The following SPNS2 variants were observed in gnomAD, a reference collection of about 807,000 sequenced individuals.
SPNS2 encodes SPNS lysolipid transporter 2, sphingosine-1-phosphate.
In SPNS2, 37 loss-of-function variants were observed where a neutral mutation model predicts 57.6. The observed-to-expected ratio is 0.64, with a 90% CI of 0.49 to 0.85. The LOEUF (loss-of-function observed/expected upper bound fraction) is 0.85, where lower values mean the gene tolerates loss of function less well. Among genes scored for constraint, SPNS2 ranks in the 40% least tolerant of loss-of-function variants. SPNS2 has a pLI of 0.00. For missense variants in SPNS2, 831 were observed against 779.1 expected (o/e 1.07, Z -0.79); for synonymous variants, 440 against 346.9 (o/e 1.27, Z -2.98).
chr17:4,513,704 G>A (rs1291754912), intron 2 of SPNS2, among the ~76,000 whole-genome samples: 1 of 152,172 alleles, frequency 6.6e-6, no homozygotes, highest in African/African-American at 2.4e-5. Flanking sequence ...TGGTGACCCT[G>A]TTTTTATCTC....
In SPNS2 at chr17:4,538,990, CAA is replaced by C; in HGVS notation, c.*1544_*1545del. 1.2e-6 allele frequency: 1 copy of C among 805,394 alleles called. No individual in the cohort carries two copies. Among genetic ancestry groups the C allele is most frequent in the Non-Finnish European group, 2.3e-6 (1 of 440,494 alleles). The allele number at this position is 805,394 out of a possible 1,614,324, so 49.9% of individuals were successfully genotyped here. ...AATCTCAGAGTCTTAAGAGAGAAGC[CAA>C]ATATATTCCTCTTGTAAATGAAGAA... On this transcript the variant is annotated 3_prime_UTR_variant, in exon 13 of 13. Coordinates refer to ENST00000329078, the MANE Select transcript of SPNS2 (RefSeq NM_001124758.3).
chr17:4,505,874 C>G (rs1470380859), intron 1 of SPNS2, among the ~76,000 whole-genome samples: 2 of 152,174 alleles, frequency 1.3e-5, no homozygotes, highest in Non-Finnish European at 2.9e-5. Flanking sequence ...CTCCCCACTC[C>G]CACTCCTAGA....
intron 2 of SPNS2, among the ~76,000 whole-genome samples, chr17:4,514,676 G>A (rs574326581): frequency 5.3e-4 from 80 of 152,284 alleles, no homozygotes; most frequent in Non-Finnish European, 9.0e-4. Context: ...TGAGCCCAAC[G>A]CCTCCCCTAC....
At chr17:4,505,665 G>A (rs996611170) in intron 1 of SPNS2, among the ~76,000 whole-genome samples, 16 of 152,352 alleles carry the variant, frequency 1.1e-4, no homozygotes, top group Middle Eastern at 3.4e-3. Context: ...GAAGAGCACC[G>A]GTCTGCTCTG....
chr17:4,528,149 A>G (rs565838036), intron 3 of SPNS2, among the ~76,000 whole-genome samples: 136 of 151,048 alleles, frequency 9.0e-4, no homozygotes, highest in African/African-American at 3.2e-3. Flanking sequence ...CAGCCTCCCA[A>G]GTAGCTGGGA....
chr17:4,508,382 G>A (rs1174714609), intron 1 of SPNS2, among the ~76,000 whole-genome samples: 1 of 152,202 alleles, frequency 6.6e-6, no homozygotes, highest in Non-Finnish European at 1.5e-5. Context: ...GGGTGACTCT[G>A]CAGATTTGGG....
At chr17:4,526,166 A>C (rs1213126237) in intron 3 of SPNS2, among the ~76,000 whole-genome samples, 4 of 152,172 alleles carry the variant, frequency 2.6e-5, no homozygotes, top group Non-Finnish European at 5.9e-5. Flanking sequence ...AGTCTCTTGA[A>C]ATCCGTGGGG....
At chr17:4,503,982 C>CT (rs35585489) in intron 1 of SPNS2, among the ~76,000 whole-genome samples, 41,706 of 137,606 alleles carry the variant, frequency 0.3, 6,872 homozygotes, top group African/African-American at 0.36. Context: ...CTCCTATTGG[C>CT]TTTTTTTTTT....
At chr17:4,530,947 A>AGCTG in intron 4 of SPNS2, 106 bp from the exon 5 acceptor site, 1 of 1,488,054 alleles carries the variant, frequency 6.7e-7, no homozygotes, top group Non-Finnish European at 9.1e-7. Context: ...CTCCCTGGCC[A>AGCTG]GCTGGCTGGG....
rs1906057363 is a variant in SPNS2 at position 4,538,978 on chromosome 17, TAAGA to T, written c.*1531_*1534del. ...CTGCTGATTGTGAATCTCAGAGTCTTAAGAGAGAAGCCAAATATATTCCTCTTGT... is the reference window on the plus strand; with the variant it reads ...CTGCTGATTGTGAATCTCAGAGTCTTGAGAAGCCAAATATATTCCTCTTGT... On this transcript the variant is annotated 3_prime_UTR_variant, in exon 13 of 13. Coordinates refer to ENST00000329078, the MANE Select transcript of SPNS2 (RefSeq NM_001124758.3). 1 of 798,458 alleles carries T rather than the reference TAAGA, an allele frequency of 1.3e-6. No individual in the cohort carries two copies. The highest frequency in any genetic ancestry group is 2.3e-6 in the Non-Finnish European group (1 of 434,072). The allele number at this position is 798,458 out of a possible 1,614,324, so 49.5% of individuals were successfully genotyped here.
intron 5 of SPNS2, 64 bp downstream of exon 5, chr17:4,531,183 A>G: frequency 1.3e-6 from 2 of 1,532,346 alleles, no homozygotes; most frequent in Non-Finnish European, 1.8e-6. Context: ...AGGGTTGCCC[A>G]GAGATGTAAT....
Position 4,538,551 on chromosome 17 carries a change from A to G in SPNS2, c.*1103A>G. 3.0e-6 allele frequency: 1 copy of G among 338,490 alleles called. No homozygotes were observed. Among genetic ancestry groups the G allele is most frequent in the Non-Finnish European group, 5.5e-6 (1 of 181,644 alleles). 21.0% of individuals were successfully genotyped at this position (338,490 alleles called of 1,614,324 possible). ...AGCTGCCAACTTCACACCAGCCCCA[A>G]CCCGCTTTGGGGGAGCTTAGCCCCC... is the stretch of plus-strand genomic sequence containing the variant. On this transcript the variant is annotated 3_prime_UTR_variant, in exon 13 of 13. Coordinates refer to ENST00000329078, the MANE Select transcript of SPNS2 (RefSeq NM_001124758.3).
chr17:4,501,279 C>T (rs8068460), intron 1 of SPNS2, among the ~76,000 whole-genome samples: 1 of 152,026 alleles, frequency 6.6e-6, no homozygotes, highest in East Asian at 1.9e-4. Flanking sequence ...CAGACCACCC[C>T]CTTTGACGTT....
At chr17:4,513,574 G>A (rs117069347) in intron 2 of SPNS2, among the ~76,000 whole-genome samples, 4,890 of 152,340 alleles carry the variant, frequency 0.032, 122 homozygotes, top group Middle Eastern at 0.071. Flanking sequence ...GGCAGAGGTT[G>A]CAGAGGTGAA....
Position 4,536,774 on chromosome 17 carries a change from G to C in SPNS2, c.1608-126G>C, listed in dbSNP as rs1020776710. 9.0e-6 allele frequency: 7 copies of C among 776,292 alleles called. No individual in the cohort carries two copies. In the Admixed American group the frequency reaches 1.4e-4, roughly 16 times the overall value. The allele number at this position is 776,292 out of a possible 1,614,324, so 48.1% of individuals were successfully genotyped here. A position where few individuals can be genotyped will look rare whatever the true frequency, so the allele number is the denominator to read the frequency against. On this transcript the variant is annotated intron_variant, in intron 11 of 12. Transcript: ENST00000329078. ...CCCCTGGGCTCTCCCATCTCCCCCTGGGGCTGACGAGGTCCCTGCCCAGCA... is the reference window on the plus strand; with the variant it reads ...CCCCTGGGCTCTCCCATCTCCCCCTCGGGCTGACGAGGTCCCTGCCCAGCA...
intron 11 of SPNS2, 123 bp downstream of exon 11, chr17:4,536,549 C>A (rs2144385507): frequency 8.1e-7 from 1 of 1,239,842 alleles, no homozygotes; most frequent in Non-Finnish European, 1.1e-6. Context: ...TCAGTGCACC[C>A]ACTGGTTGCT....
intron 5 of SPNS2, among the ~76,000 whole-genome samples, chr17:4,532,259 C>G (rs1905521051): frequency 1.3e-5 from 2 of 152,190 alleles, no homozygotes; most frequent in Admixed American, 6.5e-5. Context: ...ACCCACTGCT[C>G]CACTCACCCA....
chr17:4,531,902 C>G (rs1039603791), intron 5 of SPNS2, among the ~76,000 whole-genome samples: 1 of 152,098 alleles, frequency 6.6e-6, no homozygotes, highest in Non-Finnish European at 1.5e-5. Context: ...CAAAAGGGCT[C>G]GGGAGCCTCT....
Position 4,499,274 on chromosome 17 carries a change from G to A in SPNS2, c.227G>A (p.Gly76Asp), listed in dbSNP as rs1462615943. Residue 76 changes from glycine to aspartate, a missense_variant, in exon 1 of 13, where the codon GGC becomes GAC. Physicochemically the swap from Gly to Asp is moderately conservative, Grantham distance 94. Around this residue, in one of 2 missense-constraint regions of SPNS2, gnomAD observed 305 missense variants for 378.3 expected, o/e 0.81. Transcript: ENST00000329078. The surrounding 1 kb of genome is among the most constrained non-coding windows in gnomAD (Gnocchi z 5.2). ...RAPTGPPGTP[G>D]TPGCAATAKG... The stretch of plus-strand genomic sequence containing the variant: ...CCGACCGGACCCCCCGGCACCCCCG[G>A]CACCCCCGGCTGCGCAGCTACTGCA... 5.4e-6 allele frequency: 8 copies of A among 1,487,278 alleles called. No individual in the cohort carries two copies. The highest frequency in any genetic ancestry group is 2.2e-5 in the Admixed American group (1 of 45,110). The allele number at this position is 1,487,278 out of a possible 1,614,324, so 92.1% of individuals were successfully genotyped here.
Sources: gnomAD v4.1 joint callset for allele counts (sites outside exome capture counted in the v4.1 genomes callset) on GRCh38, gnomAD v4.1.1 for gene constraint, gnomAD v4.1.1 regional missense constraint, Gnocchi (gnomAD v3.1) non-coding constraint, MANE v1.5 for transcripts, NCBI Gene and HGNC (gene_info 2026-07-23, HGNC 2026-07-21) for gene names.